The following CRPPA variants were observed in gnomAD, a reference collection of about 807,000 sequenced individuals.
CRPPA encodes the protein D-ribitol-5-phosphate cytidylyltransferase.
A neutral mutation model predicts 52.0 loss-of-function variants in CRPPA; 43 were observed. The observed-to-expected ratio is 0.83, with a 90% CI of 0.65 to 1.07. CRPPA has a LOEUF of 1.07. Among genes scored for constraint, CRPPA ranks in the 50% least tolerant of loss-of-function variants. The pLI is 0.00. For missense variants in CRPPA, 629 were observed against 551.7 expected, an observed-to-expected ratio of 1.14 and a Z score of -1.40; for synonymous variants, 250 against 203.5, an observed-to-expected ratio of 1.23 and a Z score of -1.94.
At chr7:16,327,595 G>T (rs1317664311) in intron 3 of CRPPA, among the ~76,000 whole-genome samples, 2 of 61,544 alleles carry the variant, frequency 3.2e-5, no homozygotes, top group Admixed American at 2.9e-4. Context: ...GCGAGACTCC[G>T]TCTCAAAAAA....
intron 8 of CRPPA, among the ~76,000 whole-genome samples, chr7:16,240,810 T>C (rs1211660449): frequency 1.3e-5 from 2 of 152,144 alleles, no homozygotes; most frequent in African/African-American, 2.4e-5. Context: ...GAGAAAGATA[T>C]GTCTGGGATC....
At chr7:16,355,319 T>A (rs920255139) in intron 3 of CRPPA, among the ~76,000 whole-genome samples, 60 of 152,186 alleles carry the variant, frequency 3.9e-4, no homozygotes, top group African/African-American at 1.4e-3. Flanking sequence ...AATATCTCTT[T>A]AAAAGCAACT....
At chr7:16,291,152 G>C (rs1784556010) in intron 5 of CRPPA, among the ~76,000 whole-genome samples, 1 of 151,984 alleles carries the variant, frequency 6.6e-6, no homozygotes, top group Non-Finnish European at 1.5e-5. Context: ...GGATGCAGAA[G>C]AGAGGGAACT....
At chr7:16,207,430 C>G (rs777609343) in intron 9 of CRPPA, among the ~76,000 whole-genome samples, 17 of 152,178 alleles carry the variant, frequency 1.1e-4, no homozygotes, top group Non-Finnish European at 2.1e-4. Context: ...AGTCCTCAAG[C>G]ATGAACGTGA....
chr7:16,279,543 G>A (rs752586590), intron 5 of CRPPA, among the ~76,000 whole-genome samples: 2 of 152,158 alleles, frequency 1.3e-5, no homozygotes, highest in Non-Finnish European at 2.9e-5. Flanking sequence ...GTTACGTGGT[G>A]CTAATAAAAG....
At position 16,188,306 on chromosome 7, in the gene CRPPA, G is replaced by A. The variant is rs114334387; in HGVS notation, c.1251+27760C>T. Among the ~76,000 whole-genome samples, 452 of 152,056 alleles carry A rather than the reference G, an allele frequency of 3.0e-3. 2 individuals are homozygous for A. Among genetic ancestry groups the A allele is most frequent in the African/African-American group, 0.01 (423 of 41,480 alleles). The stretch of plus-strand genomic sequence containing the variant: ...TGTCCTATTTTATAGTCAGAACAAC[G>A]AGAACAAATGTATGGTGTGAGCAAA... On this transcript the variant is annotated intron_variant, in intron 9 of 9. Coordinates refer to ENST00000407010, the MANE Select transcript of CRPPA (RefSeq NM_001101426.4).
intron 2 of CRPPA, among the ~76,000 whole-genome samples, chr7:16,399,529 C>A (rs556214539): frequency 6.6e-5 from 10 of 152,192 alleles, no homozygotes; most frequent in Admixed American, 3.3e-4. Flanking sequence ...ATGATTGACA[C>A]GTGACTGACA....
chr7:16,294,960 T>C (rs902059946), intron 5 of CRPPA, among the ~76,000 whole-genome samples: 2 of 152,042 alleles, frequency 1.3e-5, no homozygotes, highest in African/African-American at 4.8e-5. Context: ...GTAAAAAAGT[T>C]AAAGGATCGC....
intron 9 of CRPPA, among the ~76,000 whole-genome samples, chr7:16,203,879 T>C (rs923949203): frequency 6.6e-6 from 1 of 152,160 alleles, no homozygotes; most frequent in Non-Finnish European, 1.5e-5. Flanking sequence ...TAAATCATCA[T>C]AAAATTTTAT....
At chr7:16,205,259 T>C (rs192340408) in intron 9 of CRPPA, among the ~76,000 whole-genome samples, 154 of 152,304 alleles carry the variant, frequency 1.0e-3, no homozygotes, top group African/African-American at 3.6e-3. Flanking sequence ...TAACCTGATG[T>C]AACCCTGATT....
At chr7:16,224,131 G>A (rs889173506) in intron 8 of CRPPA, among the ~76,000 whole-genome samples, 1 of 151,916 alleles carries the variant, frequency 6.6e-6, no homozygotes, top group African/African-American at 2.4e-5. Flanking sequence ...TTTGTGGGTG[G>A]GCGAGGTTTC....
intron 9 of CRPPA, among the ~76,000 whole-genome samples, chr7:16,116,675 A>AGGAAAGGAAAGGGAAGGGCAG (rs1782381048): frequency 1.0e-5 from 1 of 96,622 alleles, no homozygotes. Context: ...AAAAAAAAAA[A>AGGAAAGGAAAGGGAAGGGCAG]GGAAAGGAAA....
chr7:16,098,884 C>A (rs762510599), intron 9 of CRPPA, among the ~76,000 whole-genome samples: 1 of 152,088 alleles, frequency 6.6e-6, no homozygotes, highest in African/African-American at 2.4e-5. Context: ...CAGCCTCCTC[C>A]GAATGAGAAA....
Position 16,421,298 on chromosome 7 carries a change from C to A in CRPPA, c.25G>T (p.Ala9Ser). The change falls in exon 1 of 10, where the codon GCC (alanine) becomes TCC (serine). Residue 9 changes from alanine (A) to serine (S), a missense_variant. Physicochemically the swap from Ala to Ser is moderately conservative, Grantham distance 99. Coordinates refer to ENST00000407010, the MANE Select transcript of CRPPA (RefSeq NM_001101426.4). Reference sequence around the variant, plus strand: ...CAAGGACCCGGCTCCGCCGGCCTGGCGCTGCCCGGCGGCCCGGCCTCCATG... The same window carrying A: ...CAAGGACCCGGCTCCGCCGGCCTGGAGCTGCCCGGCGGCCCGGCCTCCATG... MEAGPPGS[A>S]RPAEPGPCLS... The A allele has an allele frequency of 5.5e-6, 7 of 1,264,756 alleles. No individual in the cohort carries two copies. The highest frequency in any genetic ancestry group is 7.0e-6 in the Non-Finnish European group (7 of 1,000,514). The allele number at this position is 1,264,756 out of a possible 1,614,324, so 78.3% of individuals were successfully genotyped here.
At chr7:16,122,325 A>G (rs1488822363) in intron 9 of CRPPA, among the ~76,000 whole-genome samples, 1 of 152,064 alleles carries the variant, frequency 6.6e-6, no homozygotes, top group African/African-American at 2.4e-5. Context: ...AAAGAGCAAT[A>G]ATAATTACAA....
chr7:16,189,580 T>C (rs960711375), intron 9 of CRPPA, among the ~76,000 whole-genome samples: 10 of 152,204 alleles, frequency 6.6e-5, no homozygotes, highest in Non-Finnish European at 1.5e-4. Context: ...AGAATGAATA[T>C]TCATGATGTT....
At chr7:16,222,319 A>T (rs1441025484) in intron 8 of CRPPA, among the ~76,000 whole-genome samples, 4 of 143,504 alleles carry the variant, frequency 2.8e-5, no homozygotes, top group Admixed American at 2.1e-4. Flanking sequence ...GGGGAGGGAT[A>T]GCATTGGGAG....
chr7:16,231,883 C>G (rs1488010173), intron 8 of CRPPA, among the ~76,000 whole-genome samples: 1 of 152,154 alleles, frequency 6.6e-6, no homozygotes, highest in Non-Finnish European at 1.5e-5. Context: ...ACAAAGTGAG[C>G]TGTACATGTA....
intron 9 of CRPPA, among the ~76,000 whole-genome samples, chr7:16,181,018 T>C (rs1562543035): frequency 1.3e-5 from 2 of 151,960 alleles, no homozygotes; most frequent in Non-Finnish European, 2.9e-5. Flanking sequence ...AGCTACACTG[T>C]AATTTTAGGT....
Sources: allele counts gnomAD v4.1 joint callset (sites outside exome capture counted in the v4.1 genomes callset), GRCh38; gene constraint gnomAD v4.1.1; transcripts MANE v1.5; gene names NCBI Gene and HGNC (gene_info 2026-07-23, HGNC 2026-07-21).